TLN1: variants seen among roughly 807,000 people sequenced by gnomAD.
The protein encoded by TLN1 is talin-1.
A neutral mutation model predicts 292.3 loss-of-function variants in TLN1; 56 were observed. The ratio of observed to expected loss-of-function variants is 0.19; its 90% CI spans 0.15 to 0.24. The LOEUF (loss-of-function observed/expected upper bound fraction) is 0.24, where lower values mean the gene tolerates loss of function less well. Ranked by LOEUF, TLN1 falls within the 10% of genes least tolerant of loss-of-function variation. The pLI is 1.00. For synonymous variants in TLN1, 1,119 were observed against 1,253.7 expected (o/e 0.89, Z 2.27); for missense variants, 2,433 against 3,248.2 (o/e 0.75, Z 6.10).
In TLN1 at chr9:35,698,362, G is replaced by C. The variant is rs763330646; in HGVS notation, c.7332C>G (p.Val2444=). The part of the protein sequence containing the change: ...STAQLLVACK[V]KADQDSEAMK... The stretch of plus-strand genomic sequence containing the variant: ...TTGCCTCCGAGTCCTGGTCAGCCTT[G>C]ACCTTGCAGGCCACAAGGAGCTGGG... Residue 2444 remains valine (V), a synonymous_variant, in exon 55 of 57, where the codon GTC becomes GTG. Coordinates refer to ENST00000314888, the MANE Select transcript of TLN1 (RefSeq NM_006289.4). This position sits in a 1 kb window ranked among gnomAD's most constrained non-coding sequence, Gnocchi z 5.3. 14 of 1,614,180 alleles carry C rather than the reference G, an allele frequency of 8.7e-6. No homozygotes were observed. Among genetic ancestry groups the C allele is most frequent in the Non-Finnish European group, 1.2e-5 (14 of 1,180,046 alleles).
Position 35,723,999 on chromosome 9 carries a change from G to T in TLN1, c.735C>A (p.Ile245=), listed in dbSNP as rs774001746. 6.2e-7 allele frequency: 1 copy of T among 1,613,922 alleles called. No homozygotes were observed. Among genetic ancestry groups the T allele is most frequent in the Non-Finnish European group, 8.5e-7 (1 of 1,179,958 alleles). The part of the protein sequence containing the change: ...ACEFAGFQCQ[I]QFGPHNEQKH... ...TCTGCTCATTGTGGGGCCCAAACTGGATCTGGCATTGGAAGCCAGCAAACT... is the reference window on the plus strand; with the variant it reads ...TCTGCTCATTGTGGGGCCCAAACTGTATCTGGCATTGGAAGCCAGCAAACT... The change falls in exon 7 of 57, where the codon ATC becomes ATA. Residue 245 remains isoleucine, a synonymous_variant. Coordinates refer to ENST00000314888, the MANE Select transcript of TLN1 (RefSeq NM_006289.4).
At chr9:35,720,999 T>C (rs965712473) in intron 10 of TLN1, 86 bp from the exon 11 acceptor site, 5 of 996,758 alleles carry the variant, frequency 5.0e-6, no homozygotes, top group African/African-American at 4.8e-5. Context: ...AAGGTTGAGC[T>C]GATGAGATGC....
Position 35,704,893 on chromosome 9 carries a change from AG to A in TLN1, c.5734-79del. 1 of 1,463,750 alleles carries A rather than the reference AG, an allele frequency of 6.8e-7. No individual in the cohort carries two copies. Among genetic ancestry groups the A allele is most frequent in the African/African-American group, 1.9e-5 (1 of 53,748 alleles). 90.7% of individuals were successfully genotyped at this position (1,463,750 alleles called of 1,614,324 possible). ...TTCACTGTGCTTGGAAAAGTCACTA[AG>A]GACATAGAAAAAAACATGCATTGTA... On this transcript the variant is annotated intron_variant, in intron 43 of 56. Coordinates refer to ENST00000314888, the MANE Select transcript of TLN1 (RefSeq NM_006289.4). The surrounding 1 kb of genome is among the most constrained non-coding windows in gnomAD (Gnocchi z 6.9).
chr9:35,722,996 G>A, intron 7 of TLN1, 75 bp from the exon 8 acceptor site: 2 of 1,319,716 alleles, frequency 1.5e-6, no homozygotes, highest in Non-Finnish European at 2.2e-6. Context: ...TGTGGGCCTG[G>A]GGGTATGAGG....
intron 8 of TLN1, among the ~76,000 whole-genome samples, chr9:35,722,492 G>C (rs954783561): frequency 1.3e-5 from 2 of 152,162 alleles, no homozygotes; most frequent in African/African-American, 4.8e-5. Flanking sequence ...AGGCCTTCTG[G>C]GCTGAGTATT....
Position 35,725,414 on chromosome 9 carries a change from C to T in TLN1, c.131-93G>A, listed in dbSNP as rs2131909333. On this transcript the variant is annotated intron_variant, in intron 2 of 56. Coordinates refer to ENST00000314888, the MANE Select transcript of TLN1 (RefSeq NM_006289.4). ...TTGCCCCTGACTATTTCTCCCATGA[C>T]CTTGGGCCTAAAGAACGAGGGAACC... 8.5e-6 allele frequency: 13 copies of T among 1,538,056 alleles called. No homozygotes were observed. The South Asian group carries it at 1.1e-4, about 14-fold the overall frequency.
chr9:35,712,272 G>A (rs1825687111), intron 27 of TLN1, 148 bp from the exon 28 acceptor site: 5 of 1,172,984 alleles, frequency 4.3e-6, no homozygotes, highest in South Asian at 3.2e-5. Flanking sequence ...TGAGGTTAGG[G>A]TTTCAAGTGA....
Position 35,704,977 on chromosome 9 carries a change from CT to C in TLN1, c.5734-163del, listed in dbSNP as rs1420607171. The stretch of plus-strand genomic sequence containing the variant: ...ACAAGGACGTTTCCGGTTGCATATC[CT>C]TTAGGCAGAAGGTCACCTCCTACAC... On this transcript the variant is annotated intron_variant, in intron 43 of 56. Transcript: ENST00000314888. The surrounding 1 kb of genome is among the most constrained non-coding windows in gnomAD (Gnocchi z 6.9). 6.6e-6 allele frequency among the ~76,000 whole-genome samples: 1 copy of C among 152,176 alleles called. No homozygotes were observed. Among genetic ancestry groups the C allele is most frequent in the African/African-American group, 2.4e-5 (1 of 41,432 alleles).
At chr9:35,709,599 T>G (rs2131889903) in intron 33 of TLN1, among the ~76,000 whole-genome samples, 1 of 152,294 alleles carries the variant, frequency 6.6e-6, no homozygotes, top group South Asian at 2.1e-4. Flanking sequence ...TTTAAGAAAG[T>G]AGTGATTGGC....
rs1156551236 is a variant in TLN1 at position 35,713,824 on chromosome 9, AAAG to A, written c.3249+126_3249+128del. ...AGAAAAAAGGAAGGAAGAAGAAAGA[AAAG>A]AAAAATAAAAGAGAGAAAGAGAAAA... On this transcript the variant is annotated intron_variant, in intron 25 of 56. Coordinates refer to ENST00000314888, the MANE Select transcript of TLN1 (RefSeq NM_006289.4). 3.0e-5 allele frequency: 30 copies of A among 997,254 alleles called. No homozygotes were observed. The East Asian group carries it at 7.5e-4, about 25-fold the overall frequency. The allele number at this position is 997,254 out of a possible 1,614,324, so 61.8% of individuals were successfully genotyped here.
rs752281502 is a variant in TLN1, at chr9:35,710,885, G to A, written c.4115C>T (p.Thr1372Met). The A allele has an allele frequency of 1.6e-5, 26 of 1,614,072 alleles. No homozygotes were observed. The highest frequency in any genetic ancestry group is 3.3e-5 in the South Asian group (3 of 91,074). ...TGGGTTCTCCAGGAGTTCCCGGACC[G>A]TCTGTGTAGGGGGAGGGCAAAGTGA... The part of the protein sequence containing the change: ...ECDNALRELE[T>M]VRELLENPVQ... Residue 1372 changes from threonine to methionine, a missense_variant and splice_region_variant, in exon 32 of 57, where the codon ACG becomes ATG. Thr to Met is a moderately conservative substitution (Grantham distance 81). Coordinates refer to ENST00000314888, the MANE Select transcript of TLN1 (RefSeq NM_006289.4).
intron 28 of TLN1, 105 bp downstream of exon 28, chr9:35,711,900 G>T: frequency 6.3e-7 from 1 of 1,593,464 alleles, no homozygotes. Context: ...GTAATGAAAG[G>T]GGACAGATCT....
intron 7 of TLN1, chr9:35,723,392 C>G (rs577389512): frequency 3.7e-5 from 7 of 188,674 alleles, no homozygotes; most frequent in Non-Finnish European, 6.6e-5. Flanking sequence ...TGTGAGCCAC[C>G]GAGCCTGGCC....
In TLN1 at chr9:35,698,751, G is replaced by A; in HGVS notation, c.7125+57C>T. On this transcript the variant is annotated intron_variant, in intron 53 of 56. Coordinates refer to ENST00000314888, the MANE Select transcript of TLN1 (RefSeq NM_006289.4). This position sits in a 1 kb window ranked among gnomAD's most constrained non-coding sequence, Gnocchi z 5.3. ...CAAAGACTCGCTGGCTATGGATGTG[G>A]ATGTGGACATCAAAGTGCCAACCTG... The A allele has an allele frequency of 6.2e-7, 1 of 1,613,856 alleles. No homozygotes were observed.
chr9:35,710,552 G>A lies in TLN1; in HGVS notation c.4326+9C>T, dbSNP rs753080702. ...GGGCCATTCAAAGAACCCATCTCAG[G>A]AAAATAACCTGTGCAGCTGCCTCGG... On this transcript the variant is annotated intron_variant, in intron 33 of 56. Transcript: ENST00000314888. 1.9e-6 allele frequency: 3 copies of A among 1,609,998 alleles called. No homozygotes were observed. Among genetic ancestry groups the A allele is most frequent in the Non-Finnish European group, 1.7e-6 (2 of 1,177,878 alleles).
Position 35,700,028 on chromosome 9 carries a change from G to C in TLN1, c.6714C>G (p.His2238Gln). The C allele has an allele frequency of 6.2e-7, 1 of 1,613,650 alleles. No homozygotes were observed. The highest frequency in any genetic ancestry group is 8.5e-7 in the Non-Finnish European group (1 of 1,179,692). ...AGCCATTGGCACACTCCCGGCCATA[G>C]TGCAGGGCTCGAAGCCGCACATCAG... ...VAPDVRLRAL[H>Q]YGRECANGYL... is the part of the protein sequence containing the mutation. Residue 2238 changes from histidine (H) to glutamine (Q), a missense_variant, in exon 50 of 57, where the codon CAC (histidine) becomes CAG (glutamine). Coordinates refer to ENST00000314888, the MANE Select transcript of TLN1 (RefSeq NM_006289.4).
rs1484079127 is a variant in TLN1, at chr9:35,722,889, T to C, written c.815A>G (p.Lys272Arg). 6.2e-7 allele frequency: 1 copy of C among 1,613,914 alleles called. No individual in the cohort carries two copies. The highest frequency in any genetic ancestry group is 8.5e-7 in the Non-Finnish European group (1 of 1,179,942). ...GAAGATCTTACGCTCTCCCTTCTGC[T>C]TCACATACTCCTTGGGCAGGAAGTC... ...LKDFLPKEYVKQKGERKIFQA... is the reference protein window; with the variant it reads ...LKDFLPKEYVRQKGERKIFQA... Residue 272 changes from lysine (K) to arginine (R), a missense_variant, in exon 8 of 57, where the codon AAG becomes AGG. Physicochemically the swap from Lys to Arg is conservative, Grantham distance 26. Coordinates refer to ENST00000314888, the MANE Select transcript of TLN1 (RefSeq NM_006289.4).
In TLN1 at chr9:35,710,576, G is replaced by C; in HGVS notation, c.4311C>G (p.Thr1437=). ...GGAAAATAACCTGTGCAGCTGCCTC[G>C]GTGAAGCCACAAAGTGCCTTTGAGG... ...STASKALCGF[T]EAAAQAAYLV... is the part of the protein sequence containing the mutation. Residue 1437 remains threonine, a synonymous_variant, in exon 33 of 57, where the codon ACC becomes ACG. Transcript: ENST00000314888. 6.2e-7 allele frequency: 1 copy of C among 1,613,540 alleles called. No homozygotes were observed. The highest frequency in any genetic ancestry group is 1.1e-5 in the South Asian group (1 of 91,062).
intron 33 of TLN1, among the ~76,000 whole-genome samples, chr9:35,708,956 TG>T (rs1825612362): frequency 6.6e-6 from 1 of 152,232 alleles, no homozygotes; most frequent in Admixed American, 6.5e-5. Flanking sequence ...GTCAGATATT[TG>T]GAAAGGAAGG....
Sources: gnomAD v4.1 joint callset for allele counts (sites outside exome capture counted in the v4.1 genomes callset) on GRCh38, gnomAD v4.1.1 for gene constraint, Gnocchi (gnomAD v3.1) non-coding constraint, MANE v1.5 for transcripts, NCBI Gene and HGNC (gene_info 2026-07-23, HGNC 2026-07-21) for gene names.